OPRD1: variants seen among roughly 807,000 people sequenced by gnomAD.
The protein encoded by OPRD1 is delta-type opioid receptor.
Under a neutral mutation model 17.5 loss-of-function variants are expected in OPRD1, and 19 were observed. The ratio of observed to expected loss-of-function variants is 1.09; its 90% CI spans 0.76 to 1.60. The LOEUF (loss-of-function observed/expected upper bound fraction) is 1.60, where lower values mean the gene tolerates loss of function less well. Among genes scored for constraint, OPRD1 ranks in the 40% most tolerant of loss-of-function variants. The pLI is 0.00. For synonymous variants in OPRD1, 256 were observed against 240.9 expected (o/e 1.06, Z -0.58); for missense variants, 483 against 547.2 (o/e 0.88, Z 1.17).
At chr1:28,827,660 C>A (rs1181846864) in intron 1 of OPRD1, among the ~76,000 whole-genome samples, 1 of 152,302 alleles carries the variant, frequency 6.6e-6, no homozygotes, top group South Asian at 2.1e-4. Context: ...TCCACTGAAG[C>A]CTCGAACCCC....
rs879806142 is a variant in OPRD1, at chr1:28,846,829, CTTTCTTTCTTTCTTTCT to C, written c.228-12105_228-12089del. On this transcript the variant is annotated intron_variant, in intron 1 of 2. Coordinates refer to ENST00000234961, the MANE Select transcript of OPRD1 (RefSeq NM_000911.4). ...CATGGAGGCTGTTTGCATTTTCTTT[CTTTCTTTCTTTCTTTCT>C]TTTCTTTCTTTCTTTCTTTCTTTCT... 6.9e-3 allele frequency among the ~76,000 whole-genome samples: 525 copies of C among 75,836 alleles called. 3 individuals carry two copies. Among genetic ancestry groups the C allele is most frequent in the Admixed American group, 6.6e-3 (56 of 8,468 alleles). 49.8% of individuals were successfully genotyped at this position (75,836 alleles called of 152,430 possible).
chr1:28,840,611 T>C (rs1391796240), intron 1 of OPRD1, among the ~76,000 whole-genome samples: 1 of 152,078 alleles, frequency 6.6e-6, no homozygotes, highest in African/African-American at 2.4e-5. Flanking sequence ...GTCTGCCCCA[T>C]AGTGAGGATT....
At position 28,812,479 on chromosome 1, in the gene OPRD1, C is replaced by T. The variant is rs755033036; in HGVS notation, c.96C>T (p.Ala32=). ...AYPSACPSAG[A]NASGPPGARS... is the part of the protein sequence containing the mutation. ...CTAGCGCCTGCCCCAGCGCTGGCGC[C>T]AATGCGTCGGGGCCGCCAGGCGCGC... is the stretch of plus-strand genomic sequence containing the variant. The change falls in exon 1 of 3, where the codon GCC becomes GCT. Residue 32 remains alanine (A), a synonymous_variant. Coordinates refer to ENST00000234961, the MANE Select transcript of OPRD1 (RefSeq NM_000911.4). 5.8e-6 allele frequency: 9 copies of T among 1,544,714 alleles called. No homozygotes were observed. In the Admixed American group the frequency reaches 9.5e-5, roughly 16 times the overall value.
Position 28,863,300 on chromosome 1 carries a change from C to T in OPRD1, c.*17C>T. The T allele has an allele frequency of 7.1e-7, 1 of 1,416,114 alleles. No homozygotes were observed. The highest frequency in any genetic ancestry group is 9.1e-7 in the Non-Finnish European group (1 of 1,095,902). 87.7% of individuals were successfully genotyped at this position (1,416,114 alleles called of 1,614,324 possible). A position where few individuals can be genotyped will look rare whatever the true frequency, so the allele number is the denominator to read the frequency against. Reference sequence around the variant, plus strand: ...GCCGCCTGACCAGGCCATCCGGCCCCCAGAGCGCCCCTCCCTAGTGACCCG... The same window carrying T: ...GCCGCCTGACCAGGCCATCCGGCCCTCAGAGCGCCCCTCCCTAGTGACCCG... On this transcript the variant is annotated 3_prime_UTR_variant, in exon 3 of 3. Transcript: ENST00000234961.
At position 28,858,105 on chromosome 1, in the gene OPRD1, CT is replaced by C. The variant is rs900542720; in HGVS notation, c.228-840del. 8.3e-5 allele frequency among the ~76,000 whole-genome samples: 11 copies of C among 132,686 alleles called. No individual in the cohort carries two copies. In the East Asian group the frequency reaches 2.1e-3, roughly 26 times the overall value. 87.0% of individuals were successfully genotyped at this position (132,686 alleles called of 152,430 possible). On this transcript the variant is annotated intron_variant, in intron 1 of 2. Coordinates refer to ENST00000234961, the MANE Select transcript of OPRD1 (RefSeq NM_000911.4). ...CCACCACACCCGGCCTAGGATTTTT[CT>C]TTTTTTTTCTTTTTTTTTTTTTTTG...
At chr1:28,830,479 G>A (rs551962394) in intron 1 of OPRD1, among the ~76,000 whole-genome samples, 1 of 152,238 alleles carries the variant, frequency 6.6e-6, no homozygotes, top group African/African-American at 2.4e-5. Context: ...GGCTGTGATA[G>A]TGCCACTGTA....
chr1:28,840,337 T>C (rs2088885625), intron 1 of OPRD1, among the ~76,000 whole-genome samples: 1 of 152,016 alleles, frequency 6.6e-6, no homozygotes, highest in East Asian at 1.9e-4. Flanking sequence ...CACTGCAGCC[T>C]CTACTTCCTG....
At chr1:28,856,425 G>A (rs551037103) in intron 1 of OPRD1, among the ~76,000 whole-genome samples, 2 of 152,272 alleles carry the variant, frequency 1.3e-5, no homozygotes, top group African/African-American at 4.8e-5. Context: ...AGGCTCTTCC[G>A]GTAATTCTGA....
At position 28,812,371 on chromosome 1, in the gene OPRD1, C is replaced by CCGGCCGGCAGCCATGGAACCGGCCCCCT; in HGVS notation, c.-11_17dup. The CCGGCCGGCAGCCATGGAACCGGCCCCCT allele has an allele frequency of 7.3e-7, 1 of 1,369,558 alleles. No individual in the cohort carries two copies. Among genetic ancestry groups the CCGGCCGGCAGCCATGGAACCGGCCCCCT allele is most frequent in the Non-Finnish European group, 9.4e-7 (1 of 1,069,232 alleles). The allele number at this position is 1,369,558 out of a possible 1,614,324, so 84.8% of individuals were successfully genotyped here. A position where few individuals can be genotyped will look rare whatever the true frequency, so the allele number is the denominator to read the frequency against. ...CACGGTGGAGAGGGACGCGGCGGAG[C>CCGGCCGGCAGCCATGGAACCGGCCCCCT]CGGCCGGCAGCCATGGAACCGGCCC... On this transcript the variant is annotated 5_prime_UTR_variant, in exon 1 of 3. It adds an upstream start codon to the 5' untranslated region. Coordinates refer to ENST00000234961, the MANE Select transcript of OPRD1 (RefSeq NM_000911.4).
At position 28,863,563 on chromosome 1, in the gene OPRD1, A is replaced by G; in HGVS notation, c.*280A>G. On this transcript the variant is annotated 3_prime_UTR_variant, in exon 3 of 3. Transcript: ENST00000234961. Reference sequence around the variant, plus strand: ...GTGGGGCGGGAAAGCCAGTGACTCCAGGAGAGGAGCGGGACCTGTGGCTCT... The same window carrying G: ...GTGGGGCGGGAAAGCCAGTGACTCCGGGAGAGGAGCGGGACCTGTGGCTCT... The G allele has an allele frequency of 2.5e-6, 1 of 398,026 alleles. No homozygotes were observed. The highest frequency in any genetic ancestry group is 4.0e-5 in the East Asian group (1 of 24,834). The allele number at this position is 398,026 out of a possible 1,614,324, so 24.7% of individuals were successfully genotyped here.
chr1:28,817,382 C>T lies in OPRD1; in HGVS notation c.227+4772C>T, dbSNP rs929541785. ...CAGCAGGGAGGGGAGTTGGGCCAGGCAGGTGGGCTGTGGCAGGGTCGGGAT... is the reference window on the plus strand; with the variant it reads ...CAGCAGGGAGGGGAGTTGGGCCAGGTAGGTGGGCTGTGGCAGGGTCGGGAT... On this transcript the variant is annotated intron_variant, in intron 1 of 2. Coordinates refer to ENST00000234961, the MANE Select transcript of OPRD1 (RefSeq NM_000911.4). 1.8e-4 allele frequency among the ~76,000 whole-genome samples: 27 copies of T among 152,156 alleles called. 1 individual carries two copies. The highest frequency in any genetic ancestry group is 7.3e-5 in the Non-Finnish European group (5 of 68,028).
chr1:28,840,386 T>C (rs2088886079), intron 1 of OPRD1, among the ~76,000 whole-genome samples: 1 of 152,026 alleles, frequency 6.6e-6, no homozygotes, highest in Admixed American at 6.6e-5. Flanking sequence ...CCCGAGTAGC[T>C]GGGATTACAG....
intron 1 of OPRD1, among the ~76,000 whole-genome samples, chr1:28,842,553 T>C (rs2088904018): frequency 6.6e-6 from 1 of 152,236 alleles, no homozygotes; most frequent in South Asian, 2.1e-4. Context: ...GAGGTGGTGA[T>C]GATCCTTCTG....
chr1:28,849,161 G>C (rs1247193309), intron 1 of OPRD1, among the ~76,000 whole-genome samples: 1 of 152,102 alleles, frequency 6.6e-6, no homozygotes, highest in Non-Finnish European at 1.5e-5. Flanking sequence ...CCAGCACTTT[G>C]GGAGGCTGAG....
Position 28,866,352 on chromosome 1 carries a change from G to A in OPRD1, c.*3069G>A, listed in dbSNP as rs1033673620. On this transcript the variant is annotated 3_prime_UTR_variant, in exon 3 of 3. Transcript: ENST00000234961. ...ATGAATAGGAGTTGGCCACCAAAAAGAGGAAATAGCGTGTGCGGAGGCATG... is the reference window on the plus strand; with the variant it reads ...ATGAATAGGAGTTGGCCACCAAAAAAAGGAAATAGCGTGTGCGGAGGCATG... 1 of 152,304 alleles carries A rather than the reference G, an allele frequency of 6.6e-6. No homozygotes were observed. Among genetic ancestry groups the A allele is most frequent in the Admixed American group, 6.5e-5 (1 of 15,278 alleles). 9.4% of individuals were successfully genotyped at this position (152,304 alleles called of 1,614,324 possible).
intron 1 of OPRD1, among the ~76,000 whole-genome samples, chr1:28,857,949 C>T (rs1363981484): frequency 1.3e-5 from 2 of 151,704 alleles, no homozygotes; most frequent in South Asian, 2.1e-4. Flanking sequence ...TGCACCACTA[C>T]GCCCAGCTAA....
At position 28,859,227 on chromosome 1, in the gene OPRD1, G is replaced by A. The variant is rs763822501; in HGVS notation, c.501G>A (p.Leu167=). The change falls in exon 2 of 3, where the codon CTG becomes CTA. Residue 167 remains leucine, a synonymous_variant. Transcript: ENST00000234961. ...LDFRTPAKAK[L]INICIWVLAS... ...TCCGCACGCCTGCCAAGGCCAAGCT[G>A]ATCAACATCTGTATCTGGGTCCTGG... 4 of 1,614,258 alleles carry A rather than the reference G, an allele frequency of 2.5e-6. No homozygotes were observed. Among genetic ancestry groups the A allele is most frequent in the Non-Finnish European group, 3.4e-6 (4 of 1,180,052 alleles).
intron 1 of OPRD1, among the ~76,000 whole-genome samples, chr1:28,840,657 C>T (rs2088888816): frequency 6.6e-6 from 1 of 152,132 alleles, no homozygotes; most frequent in Non-Finnish European, 1.5e-5. Context: ...CGTGGTGGCT[C>T]ATGCTTGTAA....
intron 1 of OPRD1, among the ~76,000 whole-genome samples, chr1:28,844,330 G>A (rs958189849): frequency 8.6e-5 from 13 of 152,004 alleles, no homozygotes; most frequent in East Asian, 1.9e-4. Context: ...TCACTTTGTC[G>A]TTCAGGCTGG....
Sources: allele counts gnomAD v4.1 joint callset (sites outside exome capture counted in the v4.1 genomes callset), GRCh38; gene constraint gnomAD v4.1.1; transcripts MANE v1.5; gene names NCBI Gene and HGNC (gene_info 2026-07-23, HGNC 2026-07-21).